Variants in DCLK2 observed in about 807,000 individuals in gnomAD.
The protein encoded by DCLK2 is serine/threonine-protein kinase DCLK2.
Under a neutral mutation model 78.4 loss-of-function variants are expected in DCLK2, and 31 were observed. That is an observed-to-expected ratio of 0.40 (90% CI 0.30 to 0.53). DCLK2 has a LOEUF of 0.53. Among genes scored for constraint, DCLK2 ranks in the 20% least tolerant of loss-of-function variants. The pLI is 0.61. For missense variants in DCLK2, 872 were observed against 973.7 expected (o/e 0.90, Z 1.39); for synonymous variants, 407 against 374.9 (o/e 1.09, Z -0.99).
intron 2 of DCLK2, 65 bp from the exon 3 acceptor site, chr4:150,193,073 G>GT (rs1173463190): frequency 2.1e-6 from 2 of 964,068 alleles, no homozygotes; most frequent in Non-Finnish European, 1.6e-6. Flanking sequence ...AATTCATTTA[G>GT]TTTTGCTTTT....
In DCLK2 at chr4:150,218,050, ACTCTCGCTCTCT is replaced by A. The variant is rs534942242; in HGVS notation, c.1057-2635_1057-2624del. On this transcript the variant is annotated intron_variant, in intron 5 of 15. Coordinates refer to ENST00000296550, the MANE Select transcript of DCLK2 (RefSeq NM_001040260.4). ...GCCATGCTCGCTGTTGCTCGCTCTCACTCTCGCTCTCTCTCTCGCTCTCTCTCTCCTCCCCCG... is the reference window on the plus strand; with the variant it reads ...GCCATGCTCGCTGTTGCTCGCTCTCACTCTCGCTCTCTCTCTCCTCCCCCG... Among the ~76,000 whole-genome samples, 874 of 149,370 alleles carry A rather than the reference ACTCTCGCTCTCT, an allele frequency of 5.9e-3. 7 individuals carry two copies. The highest frequency in any genetic ancestry group is 0.018 in the African/African-American group (724 of 40,406).
rs141800668 is a variant in DCLK2 at position 150,119,044 on chromosome 4, T to TAATA, written c.756+16233_756+16234insATAA. ...CTCTGTCTCAAAATAACAATAATAA[T>TAATA]ATAATAATAATAATAATAATAACAA... On this transcript the variant is annotated intron_variant, in intron 2 of 15. Transcript: ENST00000296550. Among the ~76,000 whole-genome samples the TAATA allele has an allele frequency of 6.1e-5, 7 of 115,384 alleles. No homozygotes were observed. In the Admixed American group the frequency reaches 6.6e-4, roughly 11 times the overall value. The allele number at this position is 115,384 out of a possible 152,430, so 75.7% of individuals were successfully genotyped here.
chr4:150,228,048 T>C (rs1741746669), intron 8 of DCLK2, among the ~76,000 whole-genome samples: 1 of 152,184 alleles, frequency 6.6e-6, no homozygotes, highest in Non-Finnish European at 1.5e-5. Flanking sequence ...TCTTGGGTTG[T>C]GATCATATCC....
chr4:150,203,025 G>T (rs180952579), intron 4 of DCLK2, among the ~76,000 whole-genome samples: 427 of 152,192 alleles, frequency 2.8e-3, no homozygotes, highest in African/African-American at 9.7e-3. Flanking sequence ...TTAATTTTCT[G>T]GGGGAAAGGT....
chr4:150,115,767 G>A (rs975340546), intron 2 of DCLK2, among the ~76,000 whole-genome samples: 7 of 152,110 alleles, frequency 4.6e-5, no homozygotes, highest in African/African-American at 9.7e-5. Context: ...GTGGTGTACC[G>A]TTTTTAATTA....
intron 1 of DCLK2, among the ~76,000 whole-genome samples, chr4:150,100,057 T>A (rs1233762671): frequency 1.3e-5 from 2 of 152,136 alleles, no homozygotes; most frequent in African/African-American, 4.8e-5. Context: ...GGACTACAGA[T>A]GTGTGCCACC....
intron 15 of DCLK2, among the ~76,000 whole-genome samples, chr4:150,250,863 C>T (rs1426514943): frequency 8.6e-6 from 1 of 115,938 alleles, no homozygotes; most frequent in Non-Finnish European, 2.0e-5. Flanking sequence ...CATCCCCACA[C>T]CCCCAACATC....
intron 2 of DCLK2, among the ~76,000 whole-genome samples, chr4:150,149,037 C>CAAAAAAAAAA (rs11407877): frequency 1.9e-5 from 2 of 104,676 alleles, no homozygotes; most frequent in Non-Finnish European, 3.8e-5. Context: ...CAGACTGTCT[C>CAAAAAAAAAA]AAAAAAAAAA....
chr4:150,118,054 C>T (rs564236127), intron 2 of DCLK2, among the ~76,000 whole-genome samples: 8 of 150,150 alleles, frequency 5.3e-5, no homozygotes, highest in East Asian at 1.9e-4. Flanking sequence ...ACACAACTGG[C>T]GATGGAGCTA....
chr4:150,211,165 T>G (rs928386043), intron 5 of DCLK2, among the ~76,000 whole-genome samples: 2 of 151,946 alleles, frequency 1.3e-5, no homozygotes, highest in Non-Finnish European at 2.9e-5. Flanking sequence ...GAATGGAGGA[T>G]CCCCCTCTGT....
At chr4:150,094,433 A>G (rs1160154174) in intron 1 of DCLK2, among the ~76,000 whole-genome samples, 1 of 152,234 alleles carries the variant, frequency 6.6e-6, no homozygotes, top group African/African-American at 2.4e-5. Flanking sequence ...TCATTAGACT[A>G]CAAAGTGCGC....
chr4:150,135,134 G>C (rs759551809), intron 2 of DCLK2, among the ~76,000 whole-genome samples: 6 of 144,534 alleles, frequency 4.2e-5, no homozygotes, highest in African/African-American at 1.6e-4. Flanking sequence ...CTGGAGCAGT[G>C]GAAAAAAAAC....
At chr4:150,089,492 G>T (rs536927085) in intron 1 of DCLK2, among the ~76,000 whole-genome samples, 1 of 152,212 alleles carries the variant, frequency 6.6e-6, no homozygotes, top group African/African-American at 2.4e-5. Context: ...ACGTTTCAAT[G>T]TGAAGGTTTC....
chr4:150,129,762 A>G (rs1207671171), intron 2 of DCLK2, among the ~76,000 whole-genome samples: 2 of 151,562 alleles, frequency 1.3e-5, no homozygotes, highest in African/African-American at 4.8e-5. Context: ...TTAATTTAAA[A>G]TATTATATTA....
chr4:150,080,182 G>C (rs1186470547), intron 1 of DCLK2, among the ~76,000 whole-genome samples: 1 of 150,312 alleles, frequency 6.7e-6, no homozygotes, highest in East Asian at 1.9e-4. Context: ...TTCCACATTT[G>C]GTTGGAAAAA....
chr4:150,183,297 A>T (rs1737663880), intron 2 of DCLK2, among the ~76,000 whole-genome samples: 1 of 152,252 alleles, frequency 6.6e-6, no homozygotes, highest in Admixed American at 6.5e-5. Context: ...GAAGTCTCTG[A>T]ATAGCACCAA....
At chr4:150,090,366 A>G (rs896306648) in intron 1 of DCLK2, among the ~76,000 whole-genome samples, 1 of 152,230 alleles carries the variant, frequency 6.6e-6, no homozygotes, top group Non-Finnish European at 1.5e-5. Flanking sequence ...AGATCGCGCC[A>G]TTACACTCCA....
chr4:150,160,776 C>T (rs993761671), intron 2 of DCLK2, among the ~76,000 whole-genome samples: 2 of 152,142 alleles, frequency 1.3e-5, no homozygotes, highest in South Asian at 4.1e-4. Context: ...GGCCTCTTTG[C>T]TCCGGATATT....
At chr4:150,250,529 CAG>C (rs1440189506) in intron 15 of DCLK2, among the ~76,000 whole-genome samples, 1 of 151,928 alleles carries the variant, frequency 6.6e-6, no homozygotes, top group Non-Finnish European at 1.5e-5. Flanking sequence ...GAGCAGGGAA[CAG>C]GGGTGGAGTG....
Sources: gnomAD v4.1 joint callset for allele counts (sites outside exome capture counted in the v4.1 genomes callset) on GRCh38, gnomAD v4.1.1 for gene constraint, MANE v1.5 for transcripts, NCBI Gene and HGNC (gene_info 2026-07-23, HGNC 2026-07-21) for gene names.